The following SDK1 variants were observed in gnomAD, a reference collection of about 807,000 sequenced individuals.
The protein encoded by SDK1 is sidekick cell adhesion molecule 1, also known as protein sidekick-1.
Under a neutral mutation model 245.5 loss-of-function variants are expected in SDK1, and 157 were observed. The ratio of observed to expected loss-of-function variants is 0.64; its 90% CI spans 0.56 to 0.73. The LOEUF is 0.73. Among genes scored for constraint, SDK1 ranks in the 30% least tolerant of loss-of-function variants. The pLI is 0.00. For missense variants in SDK1, 3,583 were observed against 3,002.3 expected (o/e 1.19, Z -4.52); for synonymous variants, 1,647 against 1,278.5 (o/e 1.29, Z -6.15).
chr7:3,922,045 T>G (rs779499808), intron 5 of SDK1, among the ~76,000 whole-genome samples: 41 of 152,188 alleles, frequency 2.7e-4, no homozygotes, highest in Non-Finnish European at 5.4e-4. Flanking sequence ...TCACCCATGC[T>G]CCTCTGTGCC....
intron 1 of SDK1, among the ~76,000 whole-genome samples, chr7:3,499,485 T>C (rs1018497926): frequency 1.3e-5 from 2 of 152,220 alleles, no homozygotes; most frequent in Non-Finnish European, 2.9e-5. Flanking sequence ...ACATTGCCAG[T>C]GTCTTAGAAG....
At chr7:3,426,255 C>T (rs56217543) in intron 1 of SDK1, among the ~76,000 whole-genome samples, 15,408 of 152,110 alleles carry the variant, frequency 0.1, 982 homozygotes, top group African/African-American at 0.17. Context: ...GAGGAAGGAA[C>T]AGACTGGCAG....
chr7:4,156,154 G>C (rs1207902007), intron 30 of SDK1, among the ~76,000 whole-genome samples: 2 of 152,134 alleles, frequency 1.3e-5, no homozygotes, highest in Non-Finnish European at 2.9e-5. Flanking sequence ...AAGCCAGGCA[G>C]TTTGACTTTG....
intron 17 of SDK1, among the ~76,000 whole-genome samples, chr7:4,018,716 G>A (rs1786620952): frequency 6.6e-6 from 1 of 152,174 alleles, no homozygotes; most frequent in South Asian, 2.1e-4. Flanking sequence ...CCACCTAATT[G>A]AGAAGGGCTT....
At chr7:3,999,791 A>G (rs1784940641) in intron 14 of SDK1, among the ~76,000 whole-genome samples, 1 of 152,204 alleles carries the variant, frequency 6.6e-6, no homozygotes, top group Admixed American at 6.5e-5. Context: ...AGCTGGAGAA[A>G]TAGTAGATGA....
At chr7:3,517,037 A>G (rs1782777618) in intron 1 of SDK1, among the ~76,000 whole-genome samples, 1 of 152,144 alleles carries the variant, frequency 6.6e-6, no homozygotes, top group African/African-American at 2.4e-5. Flanking sequence ...TTATAAGCAA[A>G]CATTCCTGAT....
rs573047693 is a variant in SDK1, at chr7:4,212,525, G to T, written c.5539+2363G>T. 2.0e-5 allele frequency among the ~76,000 whole-genome samples: 3 copies of T among 152,324 alleles called. 1 individual carries two copies. Among genetic ancestry groups the T allele is most frequent in the African/African-American group, 7.2e-5 (3 of 41,588 alleles). ...GCAGAGAGGGCATGGGAGGGACGGG[G>T]ATTTAGTGTGGCCACTTCGAGGGGC... On this transcript the variant is annotated intron_variant, in intron 38 of 44. Coordinates refer to ENST00000404826, the MANE Select transcript of SDK1 (RefSeq NM_152744.4).
At chr7:3,571,570 G>T (rs538558062) in intron 1 of SDK1, among the ~76,000 whole-genome samples, 1 of 152,168 alleles carries the variant, frequency 6.6e-6, no homozygotes, top group African/African-American at 2.4e-5. Context: ...CTCCCAAAGT[G>T]TGAGATTACA....
chr7:3,620,577 A>G (rs886679971), intron 2 of SDK1, among the ~76,000 whole-genome samples: 4 of 152,178 alleles, frequency 2.6e-5, no homozygotes, highest in South Asian at 2.1e-4. Flanking sequence ...TGCTGGGATT[A>G]CAGGTGTGAG....
In SDK1 at chr7:4,084,747, A is replaced by ATATTT. The variant is rs200662101; in HGVS notation, c.3324+5184_3324+5188dup. On this transcript the variant is annotated intron_variant, in intron 22 of 44. Transcript: ENST00000404826. Reference sequence around the variant, plus strand: ...TTATGTTATGTTGTTACTTAAATGTATATTTTATTTTATTTTATTTTATTT... The same window carrying ATATTT: ...TTATGTTATGTTGTTACTTAAATGTATATTTTATTTTATTTTATTTTATTTTATTT... Among the ~76,000 whole-genome samples the ATATTT allele has an allele frequency of 5.2e-4, 78 of 149,592 alleles. No individual in the cohort carries two copies. The South Asian group carries it at 6.2e-3, about 12-fold the overall frequency.
chr7:3,714,796 C>G (rs1458309753), intron 4 of SDK1, among the ~76,000 whole-genome samples: 1 of 152,172 alleles, frequency 6.6e-6, no homozygotes, highest in East Asian at 1.9e-4. Context: ...TCATTTCCCA[C>G]TTGTGCCAGA....
At chr7:3,709,781 A>T (rs1378995635) in intron 4 of SDK1, among the ~76,000 whole-genome samples, 2 of 152,208 alleles carry the variant, frequency 1.3e-5, no homozygotes, top group Admixed American at 1.3e-4. Flanking sequence ...ACTTTGCAAG[A>T]TGAACCAAAC....
At chr7:3,834,407 G>T (rs1204329381) in intron 5 of SDK1, among the ~76,000 whole-genome samples, 1 of 152,206 alleles carries the variant, frequency 6.6e-6, no homozygotes, top group Non-Finnish European at 1.5e-5. Context: ...CACACGAAAG[G>T]GAGTTGTGTA....
intron 4 of SDK1, among the ~76,000 whole-genome samples, chr7:3,768,076 A>G (rs1188318230): frequency 6.6e-6 from 1 of 152,240 alleles, no homozygotes; most frequent in African/African-American, 2.4e-5. Flanking sequence ...AAGAGGCAAA[A>G]GCATGGCACA....
intron 17 of SDK1, among the ~76,000 whole-genome samples, chr7:4,040,142 C>T (rs752117301): frequency 2.6e-5 from 4 of 152,120 alleles, no homozygotes; most frequent in South Asian, 2.1e-4. Flanking sequence ...GGGGCTGTAC[C>T]GGGCTTTATA....
chr7:3,371,039 A>G (rs1207230227), intron 1 of SDK1, among the ~76,000 whole-genome samples: 2 of 152,178 alleles, frequency 1.3e-5, no homozygotes, highest in African/African-American at 4.8e-5. Flanking sequence ...AAACGGAGGA[A>G]GAGCCGTGCA....
chr7:3,945,231 C>G (rs1414654293), intron 5 of SDK1, among the ~76,000 whole-genome samples: 1 of 151,968 alleles, frequency 6.6e-6, no homozygotes, highest in Non-Finnish European at 1.5e-5. Context: ...ATGAACAGCC[C>G]CAGAGAAAAG....
intron 1 of SDK1, among the ~76,000 whole-genome samples, chr7:3,543,665 G>T (rs989383159): frequency 6.6e-6 from 1 of 152,176 alleles, no homozygotes; most frequent in African/African-American, 2.4e-5. Context: ...CAGAGCGCTG[G>T]GTTTGTTGAG....
intron 1 of SDK1, among the ~76,000 whole-genome samples, chr7:3,505,299 T>G (rs183458521): frequency 3.1e-4 from 47 of 152,236 alleles, no homozygotes; most frequent in Non-Finnish European, 3.5e-4. Flanking sequence ...CAGTTTAGAG[T>G]GCAGTTGCAT....
Sources: allele counts gnomAD v4.1 joint callset (sites outside exome capture counted in the v4.1 genomes callset), GRCh38; gene constraint gnomAD v4.1.1; transcripts MANE v1.5; gene names NCBI Gene and HGNC (gene_info 2026-07-23, HGNC 2026-07-21).